The following HEATR5B variants were observed in gnomAD, a reference collection of about 807,000 sequenced individuals.
HEATR5B encodes HEAT repeat-containing protein 5B.
A neutral mutation model predicts 224.1 loss-of-function variants in HEATR5B; 156 were observed. The ratio of observed to expected loss-of-function variants is 0.70; its 90% CI spans 0.61 to 0.80. The LOEUF is 0.80. Ranked by LOEUF, HEATR5B falls within the 30% of genes least tolerant of loss-of-function variation. HEATR5B has a pLI of 0.00. For missense variants in HEATR5B, 2,323 were observed against 2,535.5 expected (o/e 0.92, Z 1.80); for synonymous variants, 1,027 against 893.0 (o/e 1.15, Z -2.68).
chr2:37,015,261 T>C (rs561262002), intron 26 of HEATR5B, among the ~76,000 whole-genome samples: 18 of 152,344 alleles, frequency 1.2e-4, no homozygotes, highest in Non-Finnish European at 2.6e-4. Context: ...AAAATGAATT[T>C]AGACTTCATT....
chr2:36,990,501 C>A, intron 34 of HEATR5B, 147 bp downstream of exon 34: 2 of 623,222 alleles, frequency 3.2e-6, no homozygotes, highest in East Asian at 2.9e-5. Flanking sequence ...TGCTTAAACC[C>A]AGTGATTTGT....
chr2:37,005,614 C>T lies in HEATR5B; in HGVS notation c.4905+18G>A. The T allele has an allele frequency of 6.2e-7, 1 of 1,609,358 alleles. No individual in the cohort carries two copies. Among genetic ancestry groups the T allele is most frequent in the Non-Finnish European group, 8.5e-7 (1 of 1,177,596 alleles). On this transcript the variant is annotated intron_variant, in intron 30 of 35. Transcript: ENST00000233099. ...AAAAAAAAACCACACAAGTATCTAT[C>T]ATAGCAATACACTGTACCTGATCTT...
At chr2:36,988,001 G>C (rs1434478027) in intron 35 of HEATR5B, among the ~76,000 whole-genome samples, 1 of 152,004 alleles carries the variant, frequency 6.6e-6, no homozygotes, top group African/African-American at 2.4e-5. Context: ...CAGTGCAGGA[G>C]GCAGAGGTTG....
At chr2:37,000,080 T>A (rs10207521) in intron 33 of HEATR5B, among the ~76,000 whole-genome samples, 58,018 of 151,366 alleles carry the variant, frequency 0.38, 11,566 homozygotes, top group African/African-American at 0.44. Context: ...ATATATATAT[T>A]TTTTTTGAGA....
chr2:37,054,778 C>T (rs1290168523), intron 16 of HEATR5B, among the ~76,000 whole-genome samples: 1 of 152,074 alleles, frequency 6.6e-6, no homozygotes, highest in East Asian at 1.9e-4. Flanking sequence ...CCACAACGCC[C>T]GGCCCATTTC....
intron 33 of HEATR5B, among the ~76,000 whole-genome samples, chr2:36,996,982 T>TG (rs1553416103): frequency 2.0e-5 from 3 of 151,916 alleles, no homozygotes; most frequent in Non-Finnish European, 2.9e-5. Context: ...CTTGACCTCC[T>TG]AAGTGCTGGG....
intron 26 of HEATR5B, among the ~76,000 whole-genome samples, chr2:37,014,328 A>G (rs1489800274): frequency 1.3e-5 from 2 of 151,264 alleles, no homozygotes; most frequent in East Asian, 2.0e-4. Flanking sequence ...CACTTGGCTA[A>G]TTTTTTTGTA....
chr2:37,053,534 T>G lies in HEATR5B; in HGVS notation c.2473A>C (p.Asn825His). ...GCACTAAGAACAGCAGTAAATATGT[T>G]AAGCTGCACAGCCTGCTGGCGGACA... Reference protein sequence around the residue: ...KGVRQQAVQLNIFTAVLSALK... With the variant: ...KGVRQQAVQLHIFTAVLSALK... The change falls in exon 17 of 36, where the codon AAC (asparagine) becomes CAC (histidine). Residue 825 changes from asparagine (N) to histidine (H), a missense_variant. Asn to His is a moderately conservative substitution (Grantham distance 68, BLOSUM62 1). This residue lies in a region of HEATR5B where 170 missense variants were observed against 216.7 expected (regional missense o/e 0.78). Transcript: ENST00000233099. 1 of 1,608,578 alleles carries G rather than the reference T, an allele frequency of 6.2e-7. No homozygotes were observed.
rs1448720504 is a variant in HEATR5B, at chr2:36,981,707, T to C, written c.5999A>G (p.Lys2000Arg). ...CTGGAGTGCAAACTCATGAAGATCT[T>C]TGGAAGCTGAACTTGCTGAGGCAAA... ...NSFASASSAS[K>R]DLHEFALQNL... is the part of the protein sequence containing the mutation. Residue 2000 changes from lysine to arginine, a missense_variant, in exon 36 of 36, where the codon AAA becomes AGA. This residue lies in a region of HEATR5B where 844 missense variants were observed against 812.9 expected (regional missense o/e 1.04). Coordinates refer to ENST00000233099, the MANE Select transcript of HEATR5B (RefSeq NM_019024.3). The C allele has an allele frequency of 4.3e-6, 7 of 1,613,936 alleles. No individual in the cohort carries two copies. In the African/African-American group the frequency reaches 5.3e-5, roughly 12 times the overall value.
intron 11 of HEATR5B, 152 bp downstream of exon 11, chr2:37,061,787 T>C (rs905538767): frequency 1.9e-6 from 1 of 530,244 alleles, no homozygotes; most frequent in Non-Finnish European, 3.4e-6. Context: ...AAGAGAAATC[T>C]ACTAGCAAAT....
In HEATR5B at chr2:37,064,996, C is replaced by T; in HGVS notation, c.1334-6G>A. On this transcript the variant is annotated splice_polypyrimidine_tract_variant and splice_region_variant and intron_variant, in intron 9 of 35. Transcript: ENST00000233099. ...AGTCACAATCTCCAAAAGCCCTAAA[C>T]AAGAAATACTCAAAATATTACTCTT... The T allele has an allele frequency of 6.2e-6, 10 of 1,612,872 alleles. No individual in the cohort carries two copies. Among genetic ancestry groups the T allele is most frequent in the Non-Finnish European group, 8.5e-6 (10 of 1,179,054 alleles).
intron 28 of HEATR5B, chr2:37,008,391 T>A: frequency 1.7e-6 from 1 of 579,058 alleles, no homozygotes; most frequent in Non-Finnish European, 3.1e-6. Context: ...ATTGTAACAG[T>A]GCTTGCTAAT....
At chr2:36,999,159 TG>T in intron 33 of HEATR5B, among the ~76,000 whole-genome samples, 1 of 151,924 alleles carries the variant, frequency 6.6e-6, no homozygotes, top group South Asian at 2.1e-4. Context: ...GCGGAGGCTG[TG>T]GTGAGCCAAG....
chr2:36,999,056 T>C (rs1042585919), intron 33 of HEATR5B, among the ~76,000 whole-genome samples: 2 of 149,482 alleles, frequency 1.3e-5, no homozygotes, highest in African/African-American at 4.9e-5. Flanking sequence ...CTACTAAAAA[T>C]ACAAAAATTA....
intron 15 of HEATR5B, 30 bp from the exon 16 acceptor site, chr2:37,056,645 A>T: frequency 6.4e-7 from 1 of 1,555,892 alleles, no homozygotes; most frequent in Non-Finnish European, 8.7e-7. Flanking sequence ...AAATTATTCA[A>T]AATCTACTTT....
chr2:37,034,997 C>T (rs1248780184), intron 21 of HEATR5B, among the ~76,000 whole-genome samples: 1 of 152,148 alleles, frequency 6.6e-6, no homozygotes, highest in Non-Finnish European at 1.5e-5. Context: ...AAGTTTCTGC[C>T]TTTTTATTTT....
chr2:37,027,739 G>A (rs922453351), intron 24 of HEATR5B, among the ~76,000 whole-genome samples, 184 bp downstream of exon 24: 1 of 152,140 alleles, frequency 6.6e-6, no homozygotes, highest in African/African-American at 2.4e-5. Context: ...CTTCCCAATA[G>A]GAATCAGAAG....
chr2:37,065,939 T>G, intron 8 of HEATR5B, 29 bp from the exon 9 acceptor site: 3 of 1,582,360 alleles, frequency 1.9e-6, no homozygotes, highest in Middle Eastern at 1.7e-4. Context: ...GTCTTTGACA[T>G]AGGAGAAATG....
intron 11 of HEATR5B, 71 bp downstream of exon 11, chr2:37,061,868 T>A (rs1411718171): frequency 1.2e-6 from 1 of 853,510 alleles, no homozygotes; most frequent in South Asian, 1.6e-5. Context: ...TTAACACTTT[T>A]AAATTAAATT....
Sources: allele counts gnomAD v4.1 joint callset (sites outside exome capture counted in the v4.1 genomes callset), GRCh38; gene constraint gnomAD v4.1.1; regional missense constraint gnomAD v4.1.1; transcripts MANE v1.5; gene names NCBI Gene and HGNC (gene_info 2026-07-23, HGNC 2026-07-21).